ASTN2: variants seen among roughly 807,000 people sequenced by gnomAD.
ASTN2 encodes astrotactin 2, also known as astrotactin-2.
ASTN2 carries 54 observed loss-of-function variants against 139.8 expected under a neutral mutation model. The ratio of observed to expected loss-of-function variants is 0.39; its 90% CI spans 0.31 to 0.48. ASTN2 has a LOEUF of 0.48. ASTN2 is among the 20% of genes least tolerant of loss of function. The probability of loss-of-function intolerance (pLI) is 0.95; values close to 1 mark genes in which losing one functional copy is unlikely to be tolerated. For missense variants in ASTN2, 1,565 were observed against 1,725.1 expected, an observed-to-expected ratio of 0.91 and a Z score of 1.64; for synonymous variants, 756 against 719.5, an observed-to-expected ratio of 1.05 and a Z score of -0.81.
chr9:116,441,165 C>A (rs1361283115), intron 21 of ASTN2, among the ~76,000 whole-genome samples: 1 of 152,076 alleles, frequency 6.6e-6, no homozygotes, highest in Non-Finnish European at 1.5e-5. Flanking sequence ...AATCTCAACA[C>A]CCTCCTTCTA....
At chr9:116,862,902 G>T (rs1005683116) in intron 11 of ASTN2, among the ~76,000 whole-genome samples, 3 of 151,766 alleles carry the variant, frequency 2.0e-5, no homozygotes, top group African/African-American at 7.3e-5. Context: ...AAAGCTTCTA[G>T]AGGTAGAACC....
At chr9:116,978,037 A>G (rs574281131) in intron 7 of ASTN2, among the ~76,000 whole-genome samples, 293 of 152,218 alleles carry the variant, frequency 1.9e-3, no homozygotes, top group Admixed American at 3.2e-3. Context: ...TTTTGATTTA[A>G]TGAGTTACTG....
chr9:116,575,905 A>G (rs1853704608), intron 19 of ASTN2, among the ~76,000 whole-genome samples: 1 of 152,166 alleles, frequency 6.6e-6, no homozygotes, highest in African/African-American at 2.4e-5. Flanking sequence ...AATGTGCTAA[A>G]AGGAGAAAAG....
chr9:117,226,695 A>G (rs1832724373), intron 2 of ASTN2, among the ~76,000 whole-genome samples: 1 of 152,212 alleles, frequency 6.6e-6, no homozygotes. Context: ...TGAGCCTTTC[A>G]AGAGGGGTTT....
intron 13 of ASTN2, among the ~76,000 whole-genome samples, chr9:116,797,003 T>C (rs1025953989): frequency 6.7e-6 from 1 of 150,008 alleles, no homozygotes; most frequent in Non-Finnish European, 1.5e-5. Context: ...TTTTTTTTTG[T>C]AGATATGTGA....
At chr9:117,386,313 G>A (rs369821415) in intron 1 of ASTN2, among the ~76,000 whole-genome samples, 6 of 152,218 alleles carry the variant, frequency 3.9e-5, no homozygotes, top group African/African-American at 1.4e-4. Context: ...GAAATGCACC[G>A]CTATTCGCAG....
chr9:116,539,071 T>G (rs1325674075), intron 19 of ASTN2, among the ~76,000 whole-genome samples: 1 of 152,000 alleles, frequency 6.6e-6, no homozygotes, highest in Admixed American at 6.6e-5. Flanking sequence ...GAGAACTAAG[T>G]GAAGAAGCAA....
At chr9:117,061,139 T>TTTCATTTATTTATTTATTTA in intron 5 of ASTN2, among the ~76,000 whole-genome samples, 1 of 142,000 alleles carries the variant, frequency 7.0e-6, no homozygotes, top group African/African-American at 2.6e-5. Flanking sequence ...TACACCAGTC[T>TTTCATTTATTTATTTATTTA]TTTATTTATT....
chr9:117,048,975 T>A (rs1838833145), intron 5 of ASTN2, among the ~76,000 whole-genome samples: 1 of 142,550 alleles, frequency 7.0e-6, no homozygotes, highest in African/African-American at 2.6e-5. Flanking sequence ...TTTTTTTTTT[T>A]TTTTTGAGAC....
chr9:117,006,028 G>A (rs2132581556), intron 7 of ASTN2, among the ~76,000 whole-genome samples: 1 of 152,270 alleles, frequency 6.6e-6, no homozygotes, highest in East Asian at 1.9e-4. Flanking sequence ...CACCAAGGGT[G>A]GCAGCCAGTG....
intron 4 of ASTN2, among the ~76,000 whole-genome samples, chr9:117,130,370 C>T (rs2416591): frequency 0.54 from 82,384 of 151,930 alleles, 22,347 homozygotes; most frequent in East Asian, 0.68. Context: ...ATTATATTTA[C>T]TGTAATTTCT....
chr9:116,446,331 T>G (rs972190196), intron 20 of ASTN2, among the ~76,000 whole-genome samples: 1 of 149,646 alleles, frequency 6.7e-6, no homozygotes, highest in Non-Finnish European at 1.5e-5. Context: ...TCTGAGTTTC[T>G]TGAGATCAGA....
chr9:117,302,259 G>C (rs1834895528), intron 1 of ASTN2, among the ~76,000 whole-genome samples: 1 of 152,094 alleles, frequency 6.6e-6, no homozygotes, highest in Admixed American at 6.5e-5. Flanking sequence ...TGGAATCATG[G>C]AAAATTACAA....
chr9:116,687,247 G>C (rs1285710714), intron 16 of ASTN2: 39 of 995,736 alleles, frequency 3.9e-5, no homozygotes, highest in Admixed American at 1.1e-4. Context: ...CAGCATGCTG[G>C]GGAGGCGGGG....
chr9:116,505,424 T>C (rs1218813734), intron 19 of ASTN2, among the ~76,000 whole-genome samples: 1 of 152,078 alleles, frequency 6.6e-6, no homozygotes, highest in Non-Finnish European at 1.5e-5. Flanking sequence ...AATTTATTTT[T>C]TAAGAAAAGC....
chr9:116,588,604 G>A (rs1378471959), intron 19 of ASTN2, among the ~76,000 whole-genome samples: 1 of 152,136 alleles, frequency 6.6e-6, no homozygotes, highest in Non-Finnish European at 1.5e-5. Flanking sequence ...TAATAATAGT[G>A]TCTTCATCAA....
At chr9:116,653,387 C>T (rs10119248) in intron 16 of ASTN2, among the ~76,000 whole-genome samples, 1 of 152,268 alleles carries the variant, frequency 6.6e-6, no homozygotes, top group East Asian at 1.9e-4. Flanking sequence ...TATAGGCTGG[C>T]CTTCTATACA....
chr9:116,567,061 C>T (rs1218257511), intron 19 of ASTN2, among the ~76,000 whole-genome samples: 1 of 152,214 alleles, frequency 6.6e-6, no homozygotes, highest in East Asian at 1.9e-4. Context: ...GGAACCAAGG[C>T]TGAGAGAGGT....
At chr9:117,330,175 C>T (rs1271561020) in intron 1 of ASTN2, among the ~76,000 whole-genome samples, 2 of 152,128 alleles carry the variant, frequency 1.3e-5, no homozygotes, top group African/African-American at 4.8e-5. Context: ...CCCAAGTCAA[C>T]CTGGATGCTC....
Sources: gnomAD v4.1 joint callset for allele counts (sites outside exome capture counted in the v4.1 genomes callset) on GRCh38, gnomAD v4.1.1 for gene constraint, MANE v1.5 for transcripts, NCBI Gene and HGNC (gene_info 2026-07-23, HGNC 2026-07-21) for gene names.